EML1: variants seen among roughly 807,000 people sequenced by gnomAD.
EML1 encodes EMAP like 1, also known as echinoderm microtubule-associated protein-like 1.
A neutral mutation model predicts 110.4 loss-of-function variants in EML1; 27 were observed. That is an observed-to-expected ratio of 0.24 (90% CI 0.18 to 0.34). The LOEUF is 0.34. Among genes scored for constraint, EML1 ranks in the 10% least tolerant of loss-of-function variants. The pLI, the probability that EML1 is intolerant of heterozygous loss-of-function variation, is 1.00. For missense variants in EML1, 741 were observed against 1,030.9 expected, an observed-to-expected ratio of 0.72 and a Z score of 3.85; for synonymous variants, 344 against 385.8, an observed-to-expected ratio of 0.89 and a Z score of 1.27.
At chr14:99,904,053 G>A (rs1037748183) in intron 9 of EML1, among the ~76,000 whole-genome samples, 3 of 151,998 alleles carry the variant, frequency 2.0e-5, no homozygotes, top group Middle Eastern at 6.3e-3. Flanking sequence ...AAAGTGCTGG[G>A]GTTACAGGTG....
intron 1 of EML1, among the ~76,000 whole-genome samples, chr14:99,794,520 AG>A (rs1166282305): frequency 6.6e-6 from 1 of 152,194 alleles, no homozygotes; most frequent in Non-Finnish European, 1.5e-5. Flanking sequence ...ATTTAGGGAA[AG>A]TTTTCTTGTT....
chr14:99,937,813 G>T lies in EML1; in HGVS notation c.2096-4G>T, dbSNP rs1341599618. 9 of 1,613,708 alleles carry T rather than the reference G, an allele frequency of 5.6e-6. No homozygotes were observed. Among genetic ancestry groups the T allele is most frequent in the Non-Finnish European group, 7.6e-6 (9 of 1,179,736 alleles). On this transcript the variant is annotated splice_region_variant and splice_polypyrimidine_tract_variant and intron_variant, in intron 19 of 21. Transcript: ENST00000262233. Reference sequence around the variant, plus strand: ...GATGTTGCCAGACTGTTTGCTTTTTGCAGGGGTTCCCTCTGCCTGTAAGCA... The same window carrying T: ...GATGTTGCCAGACTGTTTGCTTTTTTCAGGGGTTCCCTCTGCCTGTAAGCA...
intron 1 of EML1, among the ~76,000 whole-genome samples, chr14:99,837,780 A>C (rs1257990977): frequency 6.6e-6 from 1 of 152,030 alleles, no homozygotes; most frequent in Non-Finnish European, 1.5e-5. Flanking sequence ...AAACCATTTG[A>C]ACTGTGCTTT....
At chr14:99,750,230 TG>T (rs1447099464) in intron 1 of EML1, among the ~76,000 whole-genome samples, 2 of 152,188 alleles carry the variant, frequency 1.3e-5, no homozygotes, top group African/African-American at 4.8e-5. Context: ...TGGAATCCCG[TG>T]GGAGAAGAGC....
chr14:99,742,098 C>CAGACAT (rs2057050085), intron 1 of EML1, among the ~76,000 whole-genome samples: 1 of 152,128 alleles, frequency 6.6e-6, no homozygotes, highest in African/African-American at 2.4e-5. Context: ...GACACATGTC[C>CAGACAT]CGAGTTCTGA....
chr14:99,895,950 A>C (rs1392139131), intron 6 of EML1, among the ~76,000 whole-genome samples: 1 of 152,098 alleles, frequency 6.6e-6, no homozygotes, highest in Admixed American at 6.5e-5. Context: ...AATCTGAATC[A>C]ACCATATAAC....
intron 13 of EML1, 81 bp downstream of exon 13, chr14:99,911,657 T>G (rs1044041078): frequency 1.4e-6 from 2 of 1,480,266 alleles, no homozygotes; most frequent in Non-Finnish European, 1.8e-6. Flanking sequence ...AATCTGTATC[T>G]TACAGTTTTG....
rs2057538570 is a variant in EML1 at position 99,781,420 on chromosome 14, C to T, written c.-27+7407C>T. ...TTCCTGATTCCTACACCCCACCACT[C>T]CTGCCCTCTAGACCCCAGATCCTCT... On this transcript the variant is annotated intron_variant, in intron 1 of 22. Transcript: ENST00000327921. The surrounding 1 kb of genome is among the most constrained non-coding windows in gnomAD (Gnocchi z 4.2). Among the ~76,000 whole-genome samples, 1 of 152,178 alleles carries T rather than the reference C, an allele frequency of 6.6e-6. No homozygotes were observed. Among genetic ancestry groups the T allele is most frequent in the Non-Finnish European group, 1.5e-5 (1 of 68,032 alleles).
chr14:99,835,292 A>G (rs948109638), intron 1 of EML1, among the ~76,000 whole-genome samples: 3 of 152,138 alleles, frequency 2.0e-5, no homozygotes, highest in Non-Finnish European at 4.4e-5. Flanking sequence ...TCCTTTTGAT[A>G]TCTATCGATC....
At chr14:99,774,811 G>C (rs1358506498) in intron 1 of EML1, among the ~76,000 whole-genome samples, 2 of 152,192 alleles carry the variant, frequency 1.3e-5, no homozygotes, top group East Asian at 1.9e-4. Flanking sequence ...GCAGAAGGAG[G>C]GGGTGGCTTG....
intron 17 of EML1, among the ~76,000 whole-genome samples, chr14:99,932,022 C>T (rs971138321): frequency 4.6e-5 from 7 of 152,166 alleles, no homozygotes; most frequent in Non-Finnish European, 1.0e-4. Context: ...CCACTGCCTG[C>T]ATTTCCACAT....
intron 4 of EML1, among the ~76,000 whole-genome samples, chr14:99,889,748 G>C (rs991479661): frequency 2.6e-5 from 4 of 152,180 alleles, no homozygotes; most frequent in Non-Finnish European, 5.9e-5. Flanking sequence ...GAAGAATACA[G>C]GGGTCAGGTG....
intron 1 of EML1, among the ~76,000 whole-genome samples, chr14:99,756,220 A>G (rs2057252662): frequency 6.6e-6 from 1 of 152,224 alleles, no homozygotes; most frequent in African/African-American, 2.4e-5. Flanking sequence ...ATCTGATGGC[A>G]TCAGGGTTGG....
intron 1 of EML1, among the ~76,000 whole-genome samples, chr14:99,762,446 T>C (rs910796887): frequency 6.6e-6 from 1 of 152,188 alleles, no homozygotes; most frequent in Admixed American, 6.5e-5. Flanking sequence ...CTTCTAATAC[T>C]GGATTAGCTT....
At chr14:99,875,394 A>G (rs906030675) in intron 3 of EML1, among the ~76,000 whole-genome samples, 2 of 152,226 alleles carry the variant, frequency 1.3e-5, no homozygotes, top group Non-Finnish European at 2.9e-5. Context: ...AGTCCAGAGT[A>G]TGCCTTAAAC....
intron 1 of EML1, among the ~76,000 whole-genome samples, chr14:99,783,018 G>T (rs1335813264): frequency 6.6e-6 from 1 of 151,772 alleles, no homozygotes; most frequent in Non-Finnish European, 1.5e-5. Flanking sequence ...TATACTTTAA[G>T]TTCTAGGGTA....
chr14:99,840,024 C>T (rs904341879), intron 1 of EML1, among the ~76,000 whole-genome samples: 1 of 132,664 alleles, frequency 7.5e-6, no homozygotes, highest in Admixed American at 7.6e-5. Flanking sequence ...CTTCTCTGTA[C>T]TGATTGCTTG....
intron 3 of EML1, among the ~76,000 whole-genome samples, chr14:99,865,989 G>T (rs1265905584): frequency 6.6e-6 from 1 of 152,184 alleles, no homozygotes; most frequent in Non-Finnish European, 1.5e-5. Flanking sequence ...GCAAAATTCA[G>T]ATTGCCATAG....
intron 1 of EML1, among the ~76,000 whole-genome samples, chr14:99,758,056 G>A (rs548149368): frequency 6.0e-4 from 92 of 152,248 alleles, no homozygotes; most frequent in African/African-American, 2.1e-3. Flanking sequence ...TATTTCATCC[G>A]AACCCAGGGT....
Sources: allele counts gnomAD v4.1 joint callset (sites outside exome capture counted in the v4.1 genomes callset), GRCh38; gene constraint gnomAD v4.1.1; non-coding constraint Gnocchi (gnomAD v3.1); transcripts MANE v1.5; gene names NCBI Gene and HGNC (gene_info 2026-07-23, HGNC 2026-07-21).